The following SCD variants were observed in gnomAD, a reference collection of about 807,000 sequenced individuals.
SCD encodes acyl-CoA desaturase.
A neutral mutation model predicts 35.7 loss-of-function variants in SCD; 4 were observed. That is an observed-to-expected ratio of 0.11 (90% confidence interval 0.06 to 0.26). The LOEUF is 0.26. SCD is among the 10% of genes least tolerant of loss of function. The probability of loss-of-function intolerance (pLI) is 1.00; values close to 1 mark genes in which losing one functional copy is unlikely to be tolerated. For missense variants in SCD, 282 were observed against 460.7 expected (o/e 0.61, Z 3.55); for synonymous variants, 150 against 170.2 (o/e 0.88, Z 0.92).
intron 5 of SCD, among the ~76,000 whole-genome samples, chr10:100,359,452 C>T (rs1038122904): frequency 6.6e-6 from 1 of 152,108 alleles, no homozygotes; most frequent in African/African-American, 2.4e-5. Flanking sequence ...TCCCTTGTCT[C>T]TGTGTGCATC....
intron 3 of SCD, among the ~76,000 whole-genome samples, chr10:100,353,623 AG>A (rs1332600641): frequency 1.3e-5 from 2 of 151,898 alleles, no homozygotes; most frequent in Non-Finnish European, 2.9e-5. Flanking sequence ...GACAGAATGA[AG>A]GGAAATGGGG....
Position 100,354,453 on chromosome 10 carries a change from C to T in SCD, c.468C>T (p.Asp156=). 6.2e-7 allele frequency: 1 copy of T among 1,613,876 alleles called. No individual in the cohort carries two copies. Among genetic ancestry groups the T allele is most frequent in the East Asian group, 2.2e-5 (1 of 44,892 alleles). ...FQNDVYEWAR[D]HRAHHKFSET... ...ATGATGTCTATGAATGGGCTCGTGA[C>T]CACCGTGCCCACCACAAGTTTTCAG... The change falls in exon 4 of 6, where the codon GAC becomes GAT. Residue 156 remains aspartate, a synonymous_variant. Coordinates refer to ENST00000370355, the MANE Select transcript of SCD (RefSeq NM_005063.5).
At chr10:100,359,189 C>T (rs641996) in intron 5 of SCD, among the ~76,000 whole-genome samples, 145,470 of 152,202 alleles carry the variant, frequency 0.96, 69,894 homozygotes, top group East Asian at 1. Flanking sequence ...CAATATCTGA[C>T]CTGTTGTTGT....
At chr10:100,348,483 C>A in intron 2 of SCD, 137 bp downstream of exon 2, 1 of 854,548 alleles carries the variant, frequency 1.2e-6, no homozygotes, top group Non-Finnish European at 1.8e-6. Flanking sequence ...TCTTTGGTTG[C>A]TTCAGGCCTA....
chr10:100,353,583 A>C (rs1589698770), intron 3 of SCD, among the ~76,000 whole-genome samples: 1 of 25,528 alleles, frequency 3.9e-5, no homozygotes, highest in Admixed American at 2.6e-4. Flanking sequence ...ACTCCATCTC[A>C]AAAAAAAAAA....
rs1281104172 is a variant in SCD at position 100,352,475 on chromosome 10, T to C, written c.420T>C (p.Ile140=). ...ARLPLRLFLI[I]ANTMAFQNDV... ...TGCCCCTACGGCTCTTTCTGATCAT[T>C]GCCAACACAATGGCATTCCAGGTAA... The change falls in exon 3 of 6, where the codon ATT becomes ATC. Residue 140 remains isoleucine (I), a synonymous_variant. Coordinates refer to ENST00000370355, the MANE Select transcript of SCD (RefSeq NM_005063.5). This position sits in a 1 kb window ranked among gnomAD's most constrained non-coding sequence, Gnocchi z 4.2. 2.5e-6 allele frequency: 4 copies of C among 1,613,946 alleles called. No homozygotes were observed. Among genetic ancestry groups the C allele is most frequent in the Non-Finnish European group, 3.4e-6 (4 of 1,180,028 alleles).
In SCD at chr10:100,362,329, A is replaced by G. The variant is rs1021059669; in HGVS notation, c.*1396A>G. 6 of 152,254 alleles carry G rather than the reference A, an allele frequency of 3.9e-5. No homozygotes were observed. Among genetic ancestry groups the G allele is most frequent in the African/African-American group, 1.4e-4 (6 of 41,462 alleles). 9.4% of individuals were successfully genotyped at this position (152,254 alleles called of 1,614,324 possible). A position where few individuals can be genotyped will look rare whatever the true frequency, so the allele number is the denominator to read the frequency against. On this transcript the variant is annotated 3_prime_UTR_variant, in exon 6 of 6. Coordinates refer to ENST00000370355, the MANE Select transcript of SCD (RefSeq NM_005063.5). ...TAATTAGTTCCAGTTTCTCCTTGAA[A>G]TGAGTAAAAACTAGAAGGCTTCTCT...
Position 100,356,118 on chromosome 10 carries a change from G to C in SCD, c.648-414G>C, listed in dbSNP as rs188550680. On this transcript the variant is annotated intron_variant, in intron 4 of 5. Transcript: ENST00000370355. This position sits in a 1 kb window ranked among gnomAD's most constrained non-coding sequence, Gnocchi z 4.1. ...TGGCCGGGCATGGTGGCTCATGCCC[G>C]TAATCCCAGCACTTTGGGAGGCTGA... Among the ~76,000 whole-genome samples, 1 of 152,182 alleles carries C rather than the reference G, an allele frequency of 6.6e-6. No individual in the cohort carries two copies. The highest frequency in any genetic ancestry group is 2.4e-5 in the African/African-American group (1 of 41,436).
chr10:100,360,478 C>T lies in SCD; in HGVS notation c.881-256C>T, dbSNP rs183562674. ...GGCGCAGTGACTCATGACTGTAATC[C>T]TAGCACTTTGGGTGGTCAACGTGGG... On this transcript the variant is annotated intron_variant, in intron 5 of 5. Coordinates refer to ENST00000370355, the MANE Select transcript of SCD (RefSeq NM_005063.5). 1.6e-3 allele frequency among the ~76,000 whole-genome samples: 242 copies of T among 152,290 alleles called. 1 individual carries two copies. The highest frequency in any genetic ancestry group is 5.7e-3 in the African/African-American group (235 of 41,566).
chr10:100,347,386 C>A lies in SCD; in HGVS notation c.-119C>A, dbSNP rs1209284750. 6 of 1,147,506 alleles carry A rather than the reference C, an allele frequency of 5.2e-6. No individual in the cohort carries two copies. Among genetic ancestry groups the A allele is most frequent in the Non-Finnish European group, 7.7e-6 (6 of 776,080 alleles). The allele number at this position is 1,147,506 out of a possible 1,614,324, so 71.1% of individuals were successfully genotyped here. On this transcript the variant is annotated 5_prime_UTR_variant, in exon 1 of 6. Coordinates refer to ENST00000370355, the MANE Select transcript of SCD (RefSeq NM_005063.5). ...CTAGCGCCGACAACCAGCTAGCGTG[C>A]AAGGCGCCGCGGCTCAGCGCGTACC...
chr10:100,358,833 C>G (rs2133596819), intron 5 of SCD, among the ~76,000 whole-genome samples: 1 of 151,636 alleles, frequency 6.6e-6, no homozygotes, highest in Admixed American at 6.6e-5. Flanking sequence ...GAGGCTGAGG[C>G]AGAAGAATCG....
rs1850001686 is a variant in SCD, at chr10:100,362,707, T to A, written c.*1774T>A. ...CCACTTTCACGTGGCCTCCGCAGTG[T>A]CTCCACCTACACCCCTGTGCTCCCC... On this transcript the variant is annotated 3_prime_UTR_variant, in exon 6 of 6. Transcript: ENST00000370355. 1 of 152,180 alleles carries A rather than the reference T, an allele frequency of 6.6e-6. No homozygotes were observed. The highest frequency in any genetic ancestry group is 1.5e-5 in the Non-Finnish European group (1 of 68,086). The allele number at this position is 152,180 out of a possible 1,614,324, so 9.4% of individuals were successfully genotyped here. A position where few individuals can be genotyped will look rare whatever the true frequency, so the allele number is the denominator to read the frequency against.
At position 100,354,448 on chromosome 10, in the gene SCD, C is replaced by T. The variant is rs1849906548; in HGVS notation, c.463C>T (p.Arg155Cys). ...AFQNDVYEWA[R>C]DHRAHHKFSE... ...CCAGAATGATGTCTATGAATGGGCTCGTGACCACCGTGCCCACCACAAGTT... is the reference window on the plus strand; with the variant it reads ...CCAGAATGATGTCTATGAATGGGCTTGTGACCACCGTGCCCACCACAAGTT... The change falls in exon 4 of 6, where the codon CGT (arginine) becomes TGT (cysteine). Residue 155 changes from arginine to cysteine, a missense_variant. This residue lies in a region of SCD where 205 missense variants were observed against 372.3 expected (regional missense o/e 0.55). Transcript: ENST00000370355. 2 of 1,613,826 alleles carry T rather than the reference C, an allele frequency of 1.2e-6. No individual in the cohort carries two copies. The highest frequency in any genetic ancestry group is 1.7e-6 in the Non-Finnish European group (2 of 1,179,764).
At chr10:100,350,263 G>T (rs1849856634) in intron 2 of SCD, among the ~76,000 whole-genome samples, 1 of 152,004 alleles carries the variant, frequency 6.6e-6, no homozygotes, top group South Asian at 2.1e-4. Flanking sequence ...AGGGGAGGAG[G>T]GTCAGAGGTC....
intron 2 of SCD, among the ~76,000 whole-genome samples, chr10:100,348,960 C>G (rs1225846993): frequency 6.6e-6 from 1 of 152,212 alleles, no homozygotes; most frequent in Non-Finnish European, 1.5e-5. Context: ...CTCTGTTACT[C>G]TACATTCCAG....
rs1432484567 is a variant in SCD, at chr10:100,356,787, A to G, written c.880+23A>G. 1 of 1,590,502 alleles carries G rather than the reference A, an allele frequency of 6.3e-7. No homozygotes were observed. Among genetic ancestry groups the G allele is most frequent in the Admixed American group, 1.7e-5 (1 of 59,848 alleles). On this transcript the variant is annotated intron_variant, in intron 5 of 5. Transcript: ENST00000370355. This position sits in a 1 kb window ranked among gnomAD's most constrained non-coding sequence, Gnocchi z 4.1. ...TGGGTAAGTCAGCTGTCCAAGTAAG[A>G]CTACATCCAGTGGTCTGCTGATTAG...
chr10:100,352,490 A>G lies in SCD; in HGVS notation c.435A>G (p.Ala145=). Reference sequence around the variant, plus strand: ...TTCTGATCATTGCCAACACAATGGCATTCCAGGTAAGAAGTTGTCTCTGCT... The same window carrying G: ...TTCTGATCATTGCCAACACAATGGCGTTCCAGGTAAGAAGTTGTCTCTGCT... ...RLFLIIANTM[A]FQNDVYEWAR... Residue 145 remains alanine, a synonymous_variant, in exon 3 of 6, where the codon GCA becomes GCG. Transcript: ENST00000370355. The surrounding 1 kb of genome is among the most constrained non-coding windows in gnomAD (Gnocchi z 4.2). 2 of 1,613,844 alleles carry G rather than the reference A, an allele frequency of 1.2e-6. No homozygotes were observed. The highest frequency in any genetic ancestry group is 1.3e-5 in the African/African-American group (1 of 75,046).
intron 2 of SCD, among the ~76,000 whole-genome samples, chr10:100,350,472 T>A (rs1476878970): frequency 6.6e-6 from 1 of 152,090 alleles, no homozygotes. Flanking sequence ...CTGGCAACAC[T>A]GAGAGCCAGA....
chr10:100,359,979 A>G (rs981889686), intron 5 of SCD, among the ~76,000 whole-genome samples: 5 of 152,110 alleles, frequency 3.3e-5, no homozygotes, highest in East Asian at 1.9e-4. Flanking sequence ...GTTACAGGGT[A>G]TTTTTCTTCC....
Sources: gnomAD v4.1 joint callset for allele counts (sites outside exome capture counted in the v4.1 genomes callset) on GRCh38, gnomAD v4.1.1 for gene constraint, gnomAD v4.1.1 regional missense constraint, Gnocchi (gnomAD v3.1) non-coding constraint, MANE v1.5 for transcripts, NCBI Gene and HGNC (gene_info 2026-07-23, HGNC 2026-07-21) for gene names.